The following PHLDB2 variants were observed in gnomAD, a reference collection of about 807,000 sequenced individuals.
PHLDB2 encodes pleckstrin homology like domain family B member 2.
Under a neutral mutation model 123.6 loss-of-function variants are expected in PHLDB2, and 71 were observed. That is an observed-to-expected ratio of 0.57 (90% confidence interval 0.47 to 0.70). The LOEUF is 0.70. Among genes scored for constraint, PHLDB2 ranks in the 30% least tolerant of loss-of-function variants. PHLDB2 has a pLI of 0.00. For missense variants in PHLDB2, 1,446 were observed against 1,519.5 expected, an observed-to-expected ratio of 0.95 and a Z score of 0.80; for synonymous variants, 547 against 541.6, an observed-to-expected ratio of 1.01 and a Z score of -0.14.
At chr3:111,973,977 G>A (rs1196613335) in intron 17 of PHLDB2, among the ~76,000 whole-genome samples, 160 bp downstream of exon 17, 6 of 150,956 alleles carry the variant, frequency 4.0e-5, no homozygotes, top group East Asian at 2.0e-4. Flanking sequence ...TGGGATGGCC[G>A]TTCTCTTTGA....
chr3:111,750,214 A>C (rs1208770903), intron 1 of PHLDB2, among the ~76,000 whole-genome samples: 1 of 152,212 alleles, frequency 6.6e-6, no homozygotes, highest in Non-Finnish European at 1.5e-5. Flanking sequence ...CATATTTAAA[A>C]AGAAAATTAA....
At chr3:111,880,343 G>A (rs934863969) in intron 1 of PHLDB2, among the ~76,000 whole-genome samples, 5 of 152,112 alleles carry the variant, frequency 3.3e-5, no homozygotes, top group Admixed American at 2.0e-4. Context: ...GATGCCTTTG[G>A]TGTTGGACTC....
intron 1 of PHLDB2, among the ~76,000 whole-genome samples, chr3:111,762,038 A>G (rs2060004762): frequency 6.6e-6 from 1 of 152,214 alleles, no homozygotes; most frequent in African/African-American, 2.4e-5. Flanking sequence ...TTATCCAAAA[A>G]GGGATGCCCC....
At chr3:111,739,882 C>T (rs1402394832) in intron 1 of PHLDB2, among the ~76,000 whole-genome samples, 1 of 152,082 alleles carries the variant, frequency 6.6e-6, no homozygotes, top group Non-Finnish European at 1.5e-5. Flanking sequence ...TCTGGTTTCC[C>T]TATTAAAATC....
At chr3:111,933,617 G>A (rs903249150) in intron 6 of PHLDB2, among the ~76,000 whole-genome samples, 1 of 152,170 alleles carries the variant, frequency 6.6e-6, no homozygotes, top group Non-Finnish European at 1.5e-5. Flanking sequence ...TTTATTGTAT[G>A]CAGCTGAATT....
At position 111,975,591 on chromosome 3, in the gene PHLDB2, T is replaced by C. The variant is rs712523; in HGVS notation, c.*1028T>C. ...TATTTGCAGAAGTGGTGTAGTTCTA[T>C]AAAACGGCAAATGAAGTTCAACTTA... On this transcript the variant is annotated 3_prime_UTR_variant, in exon 18 of 18. Coordinates refer to ENST00000431670, the MANE Select transcript of PHLDB2 (RefSeq NM_001134438.2). The C allele has an allele frequency of 1, 152,290 of 152,476 alleles. 76,052 individuals are homozygous for C. Among genetic ancestry groups the C allele is most frequent in the Non-Finnish European group, 1 (68,038 of 68,038 alleles). 9.4% of individuals were successfully genotyped at this position (152,476 alleles called of 1,614,324 possible). A position where few individuals can be genotyped will look rare whatever the true frequency, so the allele number is the denominator to read the frequency against.
chr3:111,807,915 A>G (rs1312185729), intron 1 of PHLDB2, among the ~76,000 whole-genome samples: 1 of 150,902 alleles, frequency 6.6e-6, no homozygotes, highest in Non-Finnish European at 1.5e-5. Context: ...TATTTCTTTG[A>G]TAAGAGGACC....
intron 1 of PHLDB2, among the ~76,000 whole-genome samples, chr3:111,785,730 A>G (rs2060655038): frequency 6.6e-6 from 1 of 152,166 alleles, no homozygotes; most frequent in Admixed American, 6.5e-5. Context: ...CCAAGAAGGA[A>G]GTCATAATTC....
In PHLDB2 at chr3:111,976,007, AATC is replaced by A. The variant is rs1472718320; in HGVS notation, c.*1447_*1449del. ...TTTTACTTGAACAGTGAAGGACAAA[AATC>A]ATGATTGTGGAAGATATTTTTAAAA... is the stretch of plus-strand genomic sequence containing the variant. On this transcript the variant is annotated 3_prime_UTR_variant, in exon 18 of 18. Transcript: ENST00000431670. 2 of 152,684 alleles carry A rather than the reference AATC, an allele frequency of 1.3e-5. No individual in the cohort carries two copies. Among genetic ancestry groups the A allele is most frequent in the Admixed American group, 1.3e-4 (2 of 15,290 alleles). The allele number at this position is 152,684 out of a possible 1,614,324, so 9.5% of individuals were successfully genotyped here. A position where few individuals can be genotyped will look rare whatever the true frequency, so the allele number is the denominator to read the frequency against.
intron 1 of PHLDB2, among the ~76,000 whole-genome samples, chr3:111,760,781 T>G (rs2059978774): frequency 6.6e-6 from 1 of 152,206 alleles, no homozygotes; most frequent in Admixed American, 6.5e-5. Flanking sequence ...AGCAATAATT[T>G]TCTCCATTTT....
At chr3:111,832,606 C>T (rs1329352979) in intron 1 of PHLDB2, among the ~76,000 whole-genome samples, 1 of 142,584 alleles carries the variant, frequency 7.0e-6, no homozygotes, top group African/African-American at 2.6e-5. Context: ...TATATTATCT[C>T]TATATATATA....
intron 12 of PHLDB2, among the ~76,000 whole-genome samples, chr3:111,961,149 G>A (rs1371562338): frequency 2.0e-5 from 3 of 152,112 alleles, no homozygotes; most frequent in African/African-American, 7.2e-5. Flanking sequence ...TGGCCAACAT[G>A]GTGAAACCCC....
intron 1 of PHLDB2, among the ~76,000 whole-genome samples, chr3:111,841,377 A>T (rs1303997431): frequency 1.3e-5 from 2 of 152,298 alleles, no homozygotes; most frequent in East Asian, 1.9e-4. Flanking sequence ...TGAAAAAGGA[A>T]GAGGAAACTT....
intron 1 of PHLDB2, among the ~76,000 whole-genome samples, chr3:111,782,060 C>G (rs2060495613): frequency 6.6e-6 from 1 of 152,000 alleles, no homozygotes; most frequent in African/African-American, 2.4e-5. Flanking sequence ...TGTACTGTCT[C>G]AGGAATATGA....
At chr3:111,955,280 A>G (rs1446307628) in intron 12 of PHLDB2, among the ~76,000 whole-genome samples, 2 of 151,748 alleles carry the variant, frequency 1.3e-5, no homozygotes, top group African/African-American at 2.4e-5. Context: ...ATTTGAATCA[A>G]ATAAACTGAT....
chr3:111,928,538 G>A (rs1577107643), intron 5 of PHLDB2, among the ~76,000 whole-genome samples: 1 of 152,190 alleles, frequency 6.6e-6, no homozygotes, highest in Non-Finnish European at 1.5e-5. Flanking sequence ...TAACTGGACT[G>A]TGCTACATGA....
intron 6 of PHLDB2, among the ~76,000 whole-genome samples, chr3:111,936,753 C>G (rs2069516367): frequency 6.6e-6 from 1 of 152,050 alleles, no homozygotes; most frequent in Non-Finnish European, 1.5e-5. Flanking sequence ...GTCATATGGC[C>G]ACTTTGAATG....
chr3:111,939,406 A>G, intron 6 of PHLDB2, 69 bp from the exon 7 acceptor site: 2 of 1,478,744 alleles, frequency 1.4e-6, no homozygotes, highest in Non-Finnish European at 1.8e-6. Context: ...CTTTTAATAA[A>G]TGTTTCTTCA....
At chr3:111,768,238 G>T (rs2060115661) in intron 1 of PHLDB2, among the ~76,000 whole-genome samples, 1 of 152,162 alleles carries the variant, frequency 6.6e-6, no homozygotes, top group Non-Finnish European at 1.5e-5. Flanking sequence ...ATTTCTTCAT[G>T]AACCAGAATG....
Sources: gnomAD v4.1 joint callset for allele counts (sites outside exome capture counted in the v4.1 genomes callset) on GRCh38, gnomAD v4.1.1 for gene constraint, MANE v1.5 for transcripts, NCBI Gene and HGNC (gene_info 2026-07-23, HGNC 2026-07-21) for gene names.